Variants in FHIP1A observed in about 807,000 individuals in gnomAD.
FHIP1A encodes the protein FHF complex subunit HOOK-interacting protein 1A.
Under a neutral mutation model 88.6 loss-of-function variants are expected in FHIP1A, and 61 were observed. The ratio of observed to expected loss-of-function variants is 0.69; its 90% CI spans 0.56 to 0.85. FHIP1A has a LOEUF of 0.85. Among genes scored for constraint, FHIP1A ranks in the 40% least tolerant of loss-of-function variants. The pLI is 0.00. For missense variants in FHIP1A, 1,154 were observed against 1,273.5 expected (o/e 0.91, Z 1.43); for synonymous variants, 478 against 496.0 (o/e 0.96, Z 0.48).
intron 3 of FHIP1A, among the ~76,000 whole-genome samples, chr4:151,557,622 T>G (rs1460965437): frequency 6.6e-6 from 1 of 152,210 alleles, no homozygotes; most frequent in Admixed American, 6.5e-5. Flanking sequence ...TTGGATAAAT[T>G]AATGCATTCC....
intron 1 of FHIP1A, among the ~76,000 whole-genome samples, chr4:151,441,131 C>G (rs1032501862): frequency 2.0e-5 from 3 of 152,096 alleles, no homozygotes; most frequent in Admixed American, 1.3e-4. Flanking sequence ...CTGCTTTCCT[C>G]ACTTATGATA....
intron 3 of FHIP1A, among the ~76,000 whole-genome samples, chr4:151,528,866 A>G (rs1731775514): frequency 6.6e-6 from 1 of 152,204 alleles, no homozygotes; most frequent in Admixed American, 6.5e-5. Context: ...AATTGTGGCA[A>G]AAGTATGAGA....
chr4:151,458,829 C>T (rs1228812751), intron 2 of FHIP1A, among the ~76,000 whole-genome samples: 1 of 152,004 alleles, frequency 6.6e-6, no homozygotes, highest in Admixed American at 6.6e-5. Flanking sequence ...ACCACAGAGT[C>T]GCTTTTCTTG....
At chr4:151,415,947 T>G (rs1732875582) in intron 1 of FHIP1A, among the ~76,000 whole-genome samples, 1 of 151,928 alleles carries the variant, frequency 6.6e-6, no homozygotes, top group East Asian at 1.9e-4. Context: ...GCATAGTGTT[T>G]TTTTTTTTTT....
At chr4:151,543,591 T>C (rs1435773637) in intron 3 of FHIP1A, among the ~76,000 whole-genome samples, 1 of 152,258 alleles carries the variant, frequency 6.6e-6, no homozygotes, top group African/African-American at 2.4e-5. Context: ...GTAAATATTA[T>C]ACATATATCT....
At chr4:151,567,570 G>A (rs1001942601) in intron 4 of FHIP1A, among the ~76,000 whole-genome samples, 2 of 152,086 alleles carry the variant, frequency 1.3e-5, no homozygotes, top group Non-Finnish European at 2.9e-5. Flanking sequence ...CAGATAATTA[G>A]AGTAATAACC....
chr4:151,452,120 T>C (rs946039040), intron 1 of FHIP1A, among the ~76,000 whole-genome samples: 2 of 152,214 alleles, frequency 1.3e-5, no homozygotes, highest in Non-Finnish European at 2.9e-5. Flanking sequence ...CACGCCTGGC[T>C]ACAATTAGAT....
At chr4:151,444,132 T>C (rs1225640149) in intron 1 of FHIP1A, among the ~76,000 whole-genome samples, 1 of 151,820 alleles carries the variant, frequency 6.6e-6, no homozygotes, top group Admixed American at 6.6e-5. Context: ...CTCCTTACCC[T>C]GTGTTCCAGG....
At chr4:151,520,971 T>C (rs1731424090) in intron 3 of FHIP1A, among the ~76,000 whole-genome samples, 1 of 152,166 alleles carries the variant, frequency 6.6e-6, no homozygotes, top group Non-Finnish European at 1.5e-5. Context: ...ATTTGACCGA[T>C]TGTTTAAAGG....
chr4:151,544,562 C>A (rs1732413892), intron 3 of FHIP1A, among the ~76,000 whole-genome samples: 2 of 152,054 alleles, frequency 1.3e-5, no homozygotes, highest in South Asian at 4.2e-4. Context: ...AAGATGGGGA[C>A]CTGAAATATG....
At chr4:151,492,244 AAGAT>A (rs1287557853) in intron 3 of FHIP1A, among the ~76,000 whole-genome samples, 2 of 152,182 alleles carry the variant, frequency 1.3e-5, no homozygotes, top group Admixed American at 6.5e-5. Flanking sequence ...GATAGACTAT[AAGAT>A]AGGCCACAAA....
chr4:151,607,174 G>A (rs2126839315), intron 7 of FHIP1A, among the ~76,000 whole-genome samples: 1 of 152,304 alleles, frequency 6.6e-6, no homozygotes, highest in Middle Eastern at 3.4e-3. Context: ...GGATAGGAGT[G>A]GTGGAGCCCA....
At chr4:151,526,109 G>C (rs1045052228) in intron 3 of FHIP1A, among the ~76,000 whole-genome samples, 2 of 152,226 alleles carry the variant, frequency 1.3e-5, no homozygotes, top group Admixed American at 1.3e-4. Flanking sequence ...CAAGGCAGAA[G>C]AATTTTTCAT....
intron 3 of FHIP1A, among the ~76,000 whole-genome samples, chr4:151,533,443 A>AAACAAAC (rs1731956613): frequency 7.0e-6 from 1 of 142,512 alleles, no homozygotes; most frequent in African/African-American, 2.8e-5. Flanking sequence ...AACAAACAAA[A>AAACAAAC]AAAGGATATA....
chr4:151,490,415 A>C (rs1456313015), intron 3 of FHIP1A, among the ~76,000 whole-genome samples: 2 of 152,012 alleles, frequency 1.3e-5, no homozygotes, highest in African/African-American at 4.8e-5. Flanking sequence ...AATAACAATC[A>C]CTGCAGTCTG....
intron 9 of FHIP1A, among the ~76,000 whole-genome samples, chr4:151,644,126 TAATGACCAAAATA>T (rs1736697606): frequency 6.6e-6 from 1 of 152,208 alleles, no homozygotes; most frequent in Non-Finnish European, 1.5e-5. Flanking sequence ...CTTAAATAAT[TAATGACCAAAATA>T]AGGATACCAT....
intron 3 of FHIP1A, among the ~76,000 whole-genome samples, chr4:151,548,917 A>G (rs1224653001): frequency 1.3e-5 from 2 of 152,240 alleles, no homozygotes; most frequent in African/African-American, 4.8e-5. Flanking sequence ...TTCTGCAGAA[A>G]GGGTGCCCCT....
At chr4:151,587,501 CTTT>C (rs34464145) in intron 6 of FHIP1A, among the ~76,000 whole-genome samples, 6 of 149,172 alleles carry the variant, frequency 4.0e-5, no homozygotes, top group Non-Finnish European at 7.4e-5. Context: ...AGTTTTCTTT[CTTT>C]TTTTTTCTCG....
intron 3 of FHIP1A, among the ~76,000 whole-genome samples, chr4:151,544,787 T>C (rs1280473254): frequency 6.6e-6 from 1 of 152,190 alleles, no homozygotes; most frequent in Non-Finnish European, 1.5e-5. Context: ...TTCTCTGAGC[T>C]GTCATCTTAA....
Sources: gnomAD v4.1 joint callset for allele counts (sites outside exome capture counted in the v4.1 genomes callset) on GRCh38, gnomAD v4.1.1 for gene constraint, MANE v1.5 for transcripts, NCBI Gene and HGNC (gene_info 2026-07-23, HGNC 2026-07-21) for gene names.